FHOD3: variants seen among roughly 807,000 people sequenced by gnomAD.
The protein encoded by FHOD3 is FH1/FH2 domain-containing protein 3.
Under a neutral mutation model 173.0 loss-of-function variants are expected in FHOD3, and 90 were observed. The observed-to-expected ratio is 0.52, with a 90% CI of 0.44 to 0.62. FHOD3 has a LOEUF of 0.62. FHOD3 is among the 20% of genes least tolerant of loss of function. The pLI is 0.00. For missense variants in FHOD3, 1,945 were observed against 2,034.7 expected, an observed-to-expected ratio of 0.96 and a Z score of 0.85; for synonymous variants, 828 against 823.0, an observed-to-expected ratio of 1.01 and a Z score of -0.10.
intron 27 of FHOD3, among the ~76,000 whole-genome samples, chr18:36,761,541 A>C (rs745937300): frequency 6.6e-6 from 1 of 152,014 alleles, no homozygotes; most frequent in Admixed American, 6.6e-5. Flanking sequence ...CTCACCCTGC[A>C]TGGTCACCGC....
chr18:36,583,978 C>T (rs1019029464), intron 6 of FHOD3, among the ~76,000 whole-genome samples: 1 of 152,068 alleles, frequency 6.6e-6, no homozygotes, highest in Non-Finnish European at 1.5e-5. Context: ...GGGAACACAC[C>T]ACCACACCCA....
rs145758873 is a variant in FHOD3 at position 36,626,737 on chromosome 18, G to C, written c.1196+988G>C. 9.9e-5 allele frequency among the ~76,000 whole-genome samples: 15 copies of C among 152,178 alleles called. 1 individual carries two copies. The highest frequency in any genetic ancestry group is 8.5e-4 in the Admixed American group (13 of 15,274). ...CTGGGAGTCAAATTTAGGTCACCAG[G>C]CTACATTATGAGGAAGAAAATCACT... On this transcript the variant is annotated intron_variant, in intron 10 of 28. Transcript: ENST00000590592.
At chr18:36,474,267 G>T (rs548439299) in intron 3 of FHOD3, among the ~76,000 whole-genome samples, 2 of 152,270 alleles carry the variant, frequency 1.3e-5, no homozygotes, top group South Asian at 4.1e-4. Flanking sequence ...TCCACCACGT[G>T]CACAGGAACA....
At chr18:36,650,949 T>G (rs146372623) in intron 11 of FHOD3, among the ~76,000 whole-genome samples, 19 of 152,318 alleles carry the variant, frequency 1.2e-4, no homozygotes, top group African/African-American at 4.1e-4. Flanking sequence ...GGCTTTTCAG[T>G]TTTAGGAAAT....
chr18:36,613,628 T>C (rs1236221431), intron 9 of FHOD3, among the ~76,000 whole-genome samples: 1 of 152,146 alleles, frequency 6.6e-6, no homozygotes, highest in Non-Finnish European at 1.5e-5. Context: ...TGTATGTCAT[T>C]GCAAGAGCCT....
intron 17 of FHOD3, among the ~76,000 whole-genome samples, chr18:36,708,503 T>G (rs1686971272): frequency 6.6e-6 from 1 of 152,248 alleles, no homozygotes; most frequent in African/African-American, 2.4e-5. Flanking sequence ...AGTTTCCATC[T>G]GTCAGAAGTT....
chr18:36,571,697 G>A (rs539780399), intron 5 of FHOD3, among the ~76,000 whole-genome samples: 11 of 152,124 alleles, frequency 7.2e-5, no homozygotes, highest in South Asian at 2.1e-4. Context: ...AAACAGACCC[G>A]TACAAACACA....
chr18:36,363,004 A>G (rs546798884), intron 2 of FHOD3, among the ~76,000 whole-genome samples: 112 of 152,360 alleles, frequency 7.4e-4, no homozygotes, highest in African/African-American at 2.7e-3. Context: ...TATGTCACTA[A>G]AGAAGACATT....
At chr18:36,691,272 C>T (rs955998629) in intron 16 of FHOD3, among the ~76,000 whole-genome samples, 1 of 152,222 alleles carries the variant, frequency 6.6e-6, no homozygotes, top group African/African-American at 2.4e-5. Context: ...TCACCACCAC[C>T]CACTCCAGAC....
chr18:36,562,503 C>T (rs1038782952), intron 5 of FHOD3, among the ~76,000 whole-genome samples: 5 of 152,198 alleles, frequency 3.3e-5, no homozygotes, highest in African/African-American at 1.2e-4. Flanking sequence ...ATCAAACATG[C>T]AGCTGTGCAG....
intron 3 of FHOD3, among the ~76,000 whole-genome samples, chr18:36,470,933 C>A (rs937866675): frequency 1.3e-5 from 2 of 152,206 alleles, no homozygotes; most frequent in African/African-American, 4.8e-5. Context: ...GGTCTTTGCT[C>A]CCAGCTGAAC....
chr18:36,386,500 C>T (rs1206871489), intron 3 of FHOD3, among the ~76,000 whole-genome samples: 1 of 152,216 alleles, frequency 6.6e-6, no homozygotes, highest in East Asian at 1.9e-4. Context: ...CTGAAAGGAG[C>T]CCCATGGAGC....
At chr18:36,707,012 C>T (rs2039920128) in intron 17 of FHOD3, among the ~76,000 whole-genome samples, 1 of 152,172 alleles carries the variant, frequency 6.6e-6, no homozygotes, top group Admixed American at 6.6e-5. Flanking sequence ...AAAGAAATTA[C>T]CATAAAAATT....
intron 5 of FHOD3, among the ~76,000 whole-genome samples, chr18:36,518,709 T>G (rs1005933623): frequency 3.6e-4 from 55 of 152,206 alleles, no homozygotes; most frequent in Non-Finnish European, 6.5e-4. Flanking sequence ...ACTGAAAACT[T>G]AAGCCGACCC....
At chr18:36,394,217 T>C (rs2048441393) in intron 3 of FHOD3, among the ~76,000 whole-genome samples, 2 of 152,216 alleles carry the variant, frequency 1.3e-5, no homozygotes, top group South Asian at 2.1e-4. Context: ...TTCATTGTTA[T>C]GGTCAAACAA....
At chr18:36,480,654 C>T (rs1180496026) in intron 3 of FHOD3, among the ~76,000 whole-genome samples, 1 of 152,220 alleles carries the variant, frequency 6.6e-6, no homozygotes, top group African/African-American at 2.4e-5. Flanking sequence ...CCACTGTTGT[C>T]ACTAAGATAT....
intron 16 of FHOD3, 100 bp from the exon 17 acceptor site, chr18:36,693,109 C>A: frequency 1.6e-6 from 2 of 1,217,948 alleles, no homozygotes; most frequent in Non-Finnish European, 2.3e-6. Context: ...CTGTGTGCAT[C>A]AGGAAACCGG....
chr18:36,431,139 T>G (rs1198899283), intron 3 of FHOD3, among the ~76,000 whole-genome samples: 2 of 152,212 alleles, frequency 1.3e-5, no homozygotes, highest in Admixed American at 6.5e-5. Flanking sequence ...GCTAAAAATT[T>G]TATTATATGA....
At chr18:36,568,203 T>C (rs1024302202) in intron 5 of FHOD3, among the ~76,000 whole-genome samples, 1 of 144,578 alleles carries the variant, frequency 6.9e-6, no homozygotes, top group Non-Finnish European at 1.5e-5. Context: ...CCAGGCATGG[T>C]GGTGCACATC....
Sources: gnomAD v4.1 joint callset for allele counts (sites outside exome capture counted in the v4.1 genomes callset) on GRCh38, gnomAD v4.1.1 for gene constraint, MANE v1.5 for transcripts, NCBI Gene and HGNC (gene_info 2026-07-23, HGNC 2026-07-21) for gene names.